The following SOX5 variants were observed in gnomAD, a reference collection of about 807,000 sequenced individuals.
SOX5 encodes the protein transcription factor SOX-5.
SOX5 carries 9 observed loss-of-function variants against 92.0 expected under a neutral mutation model. The observed-to-expected ratio is 0.10, with a 90% CI of 0.06 to 0.17. SOX5 has a LOEUF of 0.17. Ranked by LOEUF, SOX5 falls within the 10% of genes least tolerant of loss-of-function variation. The pLI is 1.00. For synonymous variants in SOX5, 344 were observed against 336.3 expected, an observed-to-expected ratio of 1.02 and a Z score of -0.25; for missense variants, 642 against 944.5, an observed-to-expected ratio of 0.68 and a Z score of 4.20.
At chr12:24,493,284 A>G (rs1323792846) in intron 1 of SOX5, among the ~76,000 whole-genome samples, 1 of 152,210 alleles carries the variant, frequency 6.6e-6, no homozygotes, top group Non-Finnish European at 1.5e-5. Context: ...AACTGTCAAG[A>G]TCACTGAAAA....
At chr12:24,136,335 A>G (rs1950104710) in intron 4 of SOX5, among the ~76,000 whole-genome samples, 1 of 152,220 alleles carries the variant, frequency 6.6e-6, no homozygotes, top group African/African-American at 2.4e-5. Flanking sequence ...TGCAGTCCCA[A>G]ATCCCATTCT....
At chr12:23,875,825 T>G (rs7316117) in intron 2 of SOX5, among the ~76,000 whole-genome samples, 1 of 152,076 alleles carries the variant, frequency 6.6e-6, no homozygotes, top group African/African-American at 2.4e-5. Context: ...AGATTTCCCC[T>G]TCAGGCAGTG....
intron 9 of SOX5, among the ~76,000 whole-genome samples, chr12:23,588,054 C>A (rs1265226915): frequency 6.6e-6 from 1 of 152,018 alleles, no homozygotes. Context: ...CAGGAGAGAA[C>A]TGATGTCTTT....
intron 4 of SOX5, among the ~76,000 whole-genome samples, chr12:24,095,120 C>CAGAGAG (rs1442826677): frequency 0.026 from 2,645 of 101,454 alleles, 38 homozygotes; most frequent in Non-Finnish European, 0.042. Flanking sequence ...CACACACACA[C>CAGAGAG]ACACACACAG....
intron 6 of SOX5, among the ~76,000 whole-genome samples, chr12:23,674,593 C>A (rs2085361683): frequency 6.6e-6 from 1 of 151,832 alleles, no homozygotes; most frequent in African/African-American, 2.4e-5. Flanking sequence ...CCTCCTTGGC[C>A]TCCCAAAGTG....
chr12:24,398,751 C>G (rs1168251059), intron 1 of SOX5, among the ~76,000 whole-genome samples: 1 of 152,186 alleles, frequency 6.6e-6, no homozygotes, highest in Admixed American at 6.5e-5. Flanking sequence ...CCCACATCCT[C>G]TGCTATTATT....
intron 1 of SOX5, among the ~76,000 whole-genome samples, chr12:24,540,856 TAG>T (rs1952058479): frequency 6.6e-6 from 1 of 152,186 alleles, no homozygotes; most frequent in African/African-American, 2.4e-5. Flanking sequence ...AAATATTAAA[TAG>T]AGCAAATCTA....
At chr12:24,147,457 T>C (rs1174107439) in intron 4 of SOX5, among the ~76,000 whole-genome samples, 1 of 152,132 alleles carries the variant, frequency 6.6e-6, no homozygotes, top group Non-Finnish European at 1.5e-5. Context: ...TACAAAAAAC[T>C]TACAGGTAGC....
intron 3 of SOX5, among the ~76,000 whole-genome samples, chr12:23,764,779 A>C (rs1351281183): frequency 1.3e-5 from 2 of 152,128 alleles, no homozygotes; most frequent in Non-Finnish European, 2.9e-5. Context: ...TTTAACATAC[A>C]TTAGAATAAG....
intron 4 of SOX5, among the ~76,000 whole-genome samples, chr12:24,111,277 T>C (rs1255956115): frequency 1.3e-5 from 2 of 152,152 alleles, no homozygotes; most frequent in Non-Finnish European, 2.9e-5. Context: ...ACACATTACC[T>C]AACACCTGTC....
At chr12:24,466,353 C>T (rs1270467916) in intron 1 of SOX5, among the ~76,000 whole-genome samples, 1 of 152,040 alleles carries the variant, frequency 6.6e-6, no homozygotes, top group Non-Finnish European at 1.5e-5. Flanking sequence ...TCAAGTGTTC[C>T]TCCCACCTCA....
intron 10 of SOX5, among the ~76,000 whole-genome samples, chr12:23,568,693 C>A (rs999843195): frequency 6.6e-6 from 1 of 152,086 alleles, no homozygotes; most frequent in Non-Finnish European, 1.5e-5. Context: ...CCTTTACCCT[C>A]TAAAGATACA....
chr12:24,283,650 C>T (rs1018260038), intron 2 of SOX5, among the ~76,000 whole-genome samples: 5 of 152,320 alleles, frequency 3.3e-5, no homozygotes, highest in South Asian at 2.1e-4. Flanking sequence ...CATTCCAACA[C>T]GATAGCGATA....
At chr12:24,132,283 A>C (rs1012682364) in intron 4 of SOX5, among the ~76,000 whole-genome samples, 6 of 152,182 alleles carry the variant, frequency 3.9e-5, no homozygotes, top group African/African-American at 1.4e-4. Flanking sequence ...TCCTGTGTGC[A>C]ACTGGTAAGT....
At chr12:23,729,163 T>C (rs2093290895) in intron 6 of SOX5, among the ~76,000 whole-genome samples, 1 of 152,180 alleles carries the variant, frequency 6.6e-6, no homozygotes, top group Non-Finnish European at 1.5e-5. Context: ...ATGTACTTGC[T>C]AAATACCAGT....
chr12:23,833,020 T>C (rs1286470045), intron 3 of SOX5, among the ~76,000 whole-genome samples: 1 of 152,056 alleles, frequency 6.6e-6, no homozygotes, highest in East Asian at 1.9e-4. Flanking sequence ...ACTAACAGTC[T>C]AATTACTCTT....
chr12:23,962,804 A>G (rs1268249819), intron 4 of SOX5, among the ~76,000 whole-genome samples: 2 of 152,176 alleles, frequency 1.3e-5, no homozygotes, highest in Non-Finnish European at 2.9e-5. Flanking sequence ...TTCCATTTAC[A>G]TCTCTTTGTT....
intron 2 of SOX5, among the ~76,000 whole-genome samples, chr12:24,334,279 TTTAAAA>T (rs1246752643): frequency 1.6e-4 from 25 of 152,128 alleles, no homozygotes; most frequent in Admixed American, 1.6e-3. Flanking sequence ...ATTGCATAAA[TTTAAAA>T]TTAAACGGCA....
At chr12:23,727,960 C>T (rs1035899427) in intron 6 of SOX5, among the ~76,000 whole-genome samples, 3 of 151,990 alleles carry the variant, frequency 2.0e-5, no homozygotes, top group Non-Finnish European at 4.4e-5. Flanking sequence ...ACAGGTTTGC[C>T]TAGACAGAGA....
Sources: allele counts gnomAD v4.1 joint callset (sites outside exome capture counted in the v4.1 genomes callset), GRCh38; gene constraint gnomAD v4.1.1; transcripts MANE v1.5; gene names NCBI Gene and HGNC (gene_info 2026-07-23, HGNC 2026-07-21).